The following TAFA2 variants were observed in gnomAD, a reference collection of about 807,000 sequenced individuals.
TAFA2 encodes the protein TAFA chemokine like family member 2.
TAFA2 carries 7 observed loss-of-function variants against 18.8 expected under a neutral mutation model. That is an observed-to-expected ratio of 0.37 (90% CI 0.21 to 0.70). The LOEUF is 0.70. Among genes scored for constraint, TAFA2 ranks in the 30% least tolerant of loss-of-function variants. The probability of loss-of-function intolerance (pLI) is 0.53; values close to 1 mark genes in which losing one functional copy is unlikely to be tolerated. For synonymous variants in TAFA2, 60 were observed against 54.2 expected, an observed-to-expected ratio of 1.11 and a Z score of -0.47; for missense variants, 122 against 158.1, an observed-to-expected ratio of 0.77 and a Z score of 1.23.
At chr12:61,940,587 A>G (rs1877960071) in intron 1 of TAFA2, among the ~76,000 whole-genome samples, 1 of 152,232 alleles carries the variant, frequency 6.6e-6, no homozygotes, top group African/African-American at 2.4e-5. Flanking sequence ...AATGGGCCTC[A>G]GATATCTTTA....
At chr12:61,998,555 T>G (rs1880277349) in intron 1 of TAFA2, among the ~76,000 whole-genome samples, 1 of 152,198 alleles carries the variant, frequency 6.6e-6, no homozygotes, top group Non-Finnish European at 1.5e-5. Context: ...CACAGTTATA[T>G]TAAGTGTATA....
chr12:61,825,672 A>G (rs1872513400), intron 2 of TAFA2, among the ~76,000 whole-genome samples: 1 of 152,114 alleles, frequency 6.6e-6, no homozygotes. Context: ...GGGTGTTTCT[A>G]ATGCTTTTCA....
intron 1 of TAFA2, among the ~76,000 whole-genome samples, chr12:62,153,671 A>T (rs78374947): frequency 0.014 from 2,116 of 152,050 alleles, 46 homozygotes; most frequent in African/African-American, 0.044. Context: ...CTTGTCTCAA[A>T]AAAAAAAAGG....
chr12:62,154,297 AG>A (rs1229963407), intron 1 of TAFA2, among the ~76,000 whole-genome samples: 1 of 152,164 alleles, frequency 6.6e-6, no homozygotes, highest in Non-Finnish European at 1.5e-5. Context: ...ATATGAAGGA[AG>A]GATGGGGGAA....
chr12:62,142,822 G>A (rs73129936), intron 1 of TAFA2, among the ~76,000 whole-genome samples: 24,030 of 152,142 alleles, frequency 0.16, 1,985 homozygotes, highest in Middle Eastern at 0.19. Context: ...TTTCTTTAAT[G>A]TTTAATATTT....
At chr12:62,019,824 A>C (rs1881068039) in intron 1 of TAFA2, among the ~76,000 whole-genome samples, 1 of 152,202 alleles carries the variant, frequency 6.6e-6, no homozygotes, top group Admixed American at 6.5e-5. Flanking sequence ...TATAATAAAA[A>C]AATTTAAAAA....
In TAFA2 at chr12:61,941,913, C is replaced by T. The variant is rs1592502822; in HGVS notation, c.-1-74487G>A. On this transcript the variant is annotated intron_variant, in intron 1 of 4. Transcript: ENST00000416284. ...CATTGCCCAGGCTTGATTAGGTAAA[C>T]AAAGCAGCCTGGAAGCTCAAACTGG... Among the ~76,000 whole-genome samples, 3 of 152,256 alleles carry T rather than the reference C, an allele frequency of 2.0e-5. No homozygotes were observed. In the East Asian group the frequency reaches 5.8e-4, roughly 29 times the overall value.
chr12:62,048,308 C>G (rs1363094846), intron 1 of TAFA2, among the ~76,000 whole-genome samples: 2 of 152,124 alleles, frequency 1.3e-5, no homozygotes, highest in Non-Finnish European at 2.9e-5. Context: ...GGAGACGTAC[C>G]AAGCAAAGTG....
chr12:62,224,298 C>G (rs2062776858), intron 1 of TAFA2, among the ~76,000 whole-genome samples: 1 of 152,072 alleles, frequency 6.6e-6, no homozygotes, highest in African/African-American at 2.4e-5. Flanking sequence ...GCTGCCACAG[C>G]AAAATACCAT....
At chr12:61,855,213 CA>C (rs879437618) in intron 2 of TAFA2, among the ~76,000 whole-genome samples, 1 of 152,182 alleles carries the variant, frequency 6.6e-6, no homozygotes, top group Non-Finnish European at 1.5e-5. Flanking sequence ...CTGCCTGACT[CA>C]GCTGAGAACA....
At chr12:62,015,586 A>G (rs1459127346) in intron 1 of TAFA2, among the ~76,000 whole-genome samples, 1 of 152,220 alleles carries the variant, frequency 6.6e-6, no homozygotes, top group Non-Finnish European at 1.5e-5. Flanking sequence ...CCAGACACTG[A>G]TGATATAGTG....
chr12:61,880,429 G>A (rs1875073223), intron 1 of TAFA2: 1 of 539,324 alleles, frequency 1.9e-6, no homozygotes, highest in East Asian at 5.2e-5. Flanking sequence ...ACATGGCACA[G>A]CAGCTGCGTG....
chr12:62,184,472 T>C (rs547773964), intron 1 of TAFA2, among the ~76,000 whole-genome samples: 51 of 147,034 alleles, frequency 3.5e-4, no homozygotes, highest in Non-Finnish European at 6.2e-4. Context: ...TGATACTTAG[T>C]GGGTCTGAAC....
At chr12:61,882,085 A>G (rs1231377252) in intron 1 of TAFA2, among the ~76,000 whole-genome samples, 1 of 152,192 alleles carries the variant, frequency 6.6e-6, no homozygotes, top group African/African-American at 2.4e-5. Flanking sequence ...TAAAGTCCTT[A>G]GATTTGAAGA....
intron 1 of TAFA2, among the ~76,000 whole-genome samples, chr12:61,929,939 G>C (rs966911629): frequency 6.6e-6 from 1 of 151,348 alleles, no homozygotes; most frequent in Non-Finnish European, 1.5e-5. Context: ...CTCACTCATA[G>C]GTGGGAATTG....
At chr12:61,980,808 G>A (rs1879606013) in intron 1 of TAFA2, among the ~76,000 whole-genome samples, 1 of 152,064 alleles carries the variant, frequency 6.6e-6, no homozygotes, top group African/African-American at 2.4e-5. Flanking sequence ...AAACAAAACA[G>A]GACAGAAACA....
intron 1 of TAFA2, among the ~76,000 whole-genome samples, chr12:62,151,559 A>T (rs1301132173): frequency 6.6e-6 from 1 of 152,230 alleles, no homozygotes; most frequent in African/African-American, 2.4e-5. Flanking sequence ...AAGACTTGAT[A>T]CTTTATGACG....
intron 1 of TAFA2, among the ~76,000 whole-genome samples, chr12:62,014,409 G>A (rs1187978926): frequency 1.3e-5 from 2 of 152,076 alleles, no homozygotes; most frequent in South Asian, 2.1e-4. Flanking sequence ...CGGGCGAATC[G>A]CTTGTGCCCA....
At chr12:62,238,271 G>A (rs557673744) in intron 1 of TAFA2, among the ~76,000 whole-genome samples, 2 of 152,134 alleles carry the variant, frequency 1.3e-5, no homozygotes, top group South Asian at 4.2e-4. Context: ...TGGTCCTAGG[G>A]GTCATCTCAG....
Sources: gnomAD v4.1 joint callset for allele counts (sites outside exome capture counted in the v4.1 genomes callset) on GRCh38, gnomAD v4.1.1 for gene constraint, MANE v1.5 for transcripts, NCBI Gene and HGNC (gene_info 2026-07-23, HGNC 2026-07-21) for gene names.